Variants in RGS3 observed in about 807,000 individuals in gnomAD.
RGS3 encodes regulator of G-protein signalling 3.
Under a neutral mutation model 132.6 loss-of-function variants are expected in RGS3, and 80 were observed. That is an observed-to-expected ratio of 0.60 (90% CI 0.50 to 0.73). RGS3 has a LOEUF of 0.73. Ranked by LOEUF, RGS3 falls within the 30% of genes least tolerant of loss-of-function variation. RGS3 has a pLI of 0.00. For missense variants in RGS3, 1,382 were observed against 1,530.8 expected (o/e 0.90, Z 1.62); for synonymous variants, 598 against 620.6 (o/e 0.96, Z 0.54).
At chr9:113,479,645 T>C in intron 4 of RGS3, 104 bp downstream of exon 2, 2 of 999,388 alleles carry the variant, frequency 2.0e-6, no homozygotes, top group South Asian at 1.3e-5. Flanking sequence ...CAAGGCTTCT[T>C]TTCTCATCCT....
At chr9:113,460,565 C>A (rs775734549) in intron 1 of RGS3, among the ~76,000 whole-genome samples, 1 of 152,126 alleles carries the variant, frequency 6.6e-6, no homozygotes, top group African/African-American at 2.4e-5. Flanking sequence ...GCTTATTCCT[C>A]TTCTAACTTT....
upstream of RGS3, chr9:113,460,251 T>G: frequency 2.7e-6 from 3 of 1,106,522 alleles, no homozygotes; most frequent in Non-Finnish European, 3.5e-6. Flanking sequence ...CCAGGCGCAG[T>G]GGCTCATGCC....
intron 1 of RGS3, among the ~76,000 whole-genome samples, chr9:113,450,136 C>T (rs1829207142): frequency 6.6e-6 from 1 of 151,752 alleles, no homozygotes; most frequent in Non-Finnish European, 1.5e-5. Context: ...GTGCCGTGAT[C>T]TCGGCTCACT....
chr9:113,508,797 G>A (rs2119336934), intron 14 of RGS3, among the ~76,000 whole-genome samples: 1 of 152,294 alleles, frequency 6.6e-6, no homozygotes, highest in East Asian at 1.9e-4. Flanking sequence ...GGAGGAGAGG[G>A]GATCTTACCA....
chr9:113,553,465 T>TAA (rs1833439350), intron 19 of RGS3, among the ~76,000 whole-genome samples: 1 of 33,816 alleles, frequency 3.0e-5, no homozygotes, highest in Non-Finnish European at 5.2e-5. Context: ...AAAAAATATA[T>TAA]ATATATATAT....
intron 19 of RGS3, chr9:113,580,932 TGTGCCACTCC>T (rs1834769616): frequency 1.4e-5 from 14 of 984,824 alleles, no homozygotes; most frequent in Non-Finnish European, 1.6e-5. Context: ...AGTGCCACTC[TGTGCCACTCC>T]GTGCCAGGCC....
At chr9:113,594,480 C>G (rs1835642696) in exon 22 of RGS3, 1 of 1,613,738 alleles carries the variant, frequency 6.2e-7, no homozygotes, top group Non-Finnish European at 8.5e-7. Context: ...CGGAATGAGT[C>G]CCCTGGAGCC....
At chr9:113,552,579 A>G (rs1276260259) in intron 19 of RGS3, among the ~76,000 whole-genome samples, 1 of 152,152 alleles carries the variant, frequency 6.6e-6, no homozygotes, top group Non-Finnish European at 1.5e-5. Flanking sequence ...CGGCCTCCCA[A>G]AGTATTTATT....
At chr9:113,479,684 G>A in intron 4 of RGS3, 143 bp downstream of exon 2, 1 of 759,342 alleles carries the variant, frequency 1.3e-6, no homozygotes, top group East Asian at 2.5e-5. Context: ...ATTGATAAAA[G>A]CCAGTATTCA....
intron 4 of RGS3, chr9:113,482,844 G>A: frequency 8.3e-7 from 1 of 1,197,894 alleles, no homozygotes. Context: ...GAAGATGGTG[G>A]GAATGGCCTA....
At chr9:113,590,572 C>T (rs1342424895) in intron 20 of RGS3, among the ~76,000 whole-genome samples, 1 of 151,538 alleles carries the variant, frequency 6.6e-6, no homozygotes, top group African/African-American at 2.4e-5. Context: ...ATCCATCCAT[C>T]CATCCATCCA....
chr9:113,594,543 C>G lies in RGS3; in HGVS notation c.3182+12C>G. ...ATGAAGTCATTCAAGTAGGTCCTCC[C>G]TGGCACCCTGGGACCCTTTGGGGAA... On this transcript the variant is annotated intron_variant, in intron 22 of 24. Transcript: ENST00000350696. 1 of 1,608,264 alleles carries G rather than the reference C, an allele frequency of 6.2e-7. No individual in the cohort carries two copies. The highest frequency in any genetic ancestry group is 8.5e-7 in the Non-Finnish European group (1 of 1,175,638).
intron 19 of RGS3, chr9:113,582,085 C>T (rs1834848389): frequency 1.0e-6 from 1 of 985,326 alleles, no homozygotes; most frequent in Non-Finnish European, 1.2e-6. Context: ...CCAGCGTGAC[C>T]CCTGACACGT....
intron 19 of RGS3, among the ~76,000 whole-genome samples, chr9:113,578,007 G>A (rs765644733): frequency 2.6e-5 from 4 of 152,376 alleles, no homozygotes; most frequent in Non-Finnish European, 5.9e-5. Flanking sequence ...AGGATTTGTT[G>A]AATACTTGCC....
At chr9:113,530,291 A>G (rs760595195) in intron 18 of RGS3, among the ~76,000 whole-genome samples, 1 of 152,238 alleles carries the variant, frequency 6.6e-6, no homozygotes, top group African/African-American at 2.4e-5. Flanking sequence ...AAGACAGTTG[A>G]TGAGAAGTTA....
chr9:113,528,859 C>G (rs184723227), intron 17 of RGS3, among the ~76,000 whole-genome samples: 1 of 152,342 alleles, frequency 6.6e-6, no homozygotes, highest in East Asian at 1.9e-4. Context: ...CAGATGTGTG[C>G]TGCCTCCAGG....
At chr9:113,491,771 C>T (rs1048747532) in intron 7 of RGS3, among the ~76,000 whole-genome samples, 1 of 152,198 alleles carries the variant, frequency 6.6e-6, no homozygotes, top group Non-Finnish European at 1.5e-5. Context: ...CCAGACTGAT[C>T]TCAAACTCCT....
At chr9:113,536,239 G>A (rs750494231) in intron 18 of RGS3, among the ~76,000 whole-genome samples, 3 of 152,202 alleles carry the variant, frequency 2.0e-5, no homozygotes, top group Non-Finnish European at 4.4e-5. Flanking sequence ...GGGCTGCAGA[G>A]GGCCACATGA....
Position 113,484,339 on chromosome 9 carries a change from A to C in RGS3, c.620+107A>C, listed in dbSNP as rs1830260871. The C allele has an allele frequency of 1.0e-5, 5 of 501,062 alleles. 1 individual carries two copies. The highest frequency in any genetic ancestry group is 8.5e-5 in the East Asian group (3 of 35,296). The allele number at this position is 501,062 out of a possible 1,614,324, so 31.0% of individuals were successfully genotyped here. ...AACTAGATCTATGCAAAAAAAAAAA[A>C]AAAAAAAAAACCAAAACAAAAAAAA... On this transcript the variant is annotated intron_variant, in intron 6 of 24. Coordinates refer to ENST00000350696, the Ensembl canonical transcript of RGS3.
Sources: allele counts gnomAD v4.1 joint callset (sites outside exome capture counted in the v4.1 genomes callset), GRCh38; gene constraint gnomAD v4.1.1; transcripts MANE v1.5; gene names NCBI Gene and HGNC (gene_info 2026-07-23, HGNC 2026-07-21).